The following GORAB variants were observed in gnomAD, a reference collection of about 807,000 sequenced individuals.
GORAB encodes the protein RAB6-interacting golgin.
Under a neutral mutation model 29.9 loss-of-function variants are expected in GORAB, and 17 were observed. The observed-to-expected ratio is 0.57, with a 90% CI of 0.39 to 0.85. The LOEUF (loss-of-function observed/expected upper bound fraction) is 0.85, where lower values mean the gene tolerates loss of function less well. Ranked by LOEUF, GORAB falls within the 40% of genes least tolerant of loss-of-function variation. GORAB has a pLI of 0.00. For missense variants in GORAB, 442 were observed against 437.8 expected, an observed-to-expected ratio of 1.01 and a Z score of -0.09; for synonymous variants, 183 against 157.2, an observed-to-expected ratio of 1.16 and a Z score of -1.23.
intron 1 of GORAB, among the ~76,000 whole-genome samples, chr1:170,538,886 T>G (rs1012469884): frequency 2.0e-5 from 3 of 152,196 alleles, no homozygotes; most frequent in Admixed American, 2.0e-4. Context: ...TTGGTCAAAA[T>G]TAGTTGCTTT....
At position 170,532,192 on chromosome 1, in the gene GORAB, G is replaced by C. The variant is rs1366062949; in HGVS notation, c.-32G>C. On this transcript the variant is annotated 5_prime_UTR_variant, in exon 1 of 5. Coordinates refer to ENST00000367763, the MANE Select transcript of GORAB (RefSeq NM_152281.3). The stretch of plus-strand genomic sequence containing the variant: ...TTGGCAGTCGCGGCTGCGAGATTTG[G>C]GCACTTTTGGGGGTGCCGGTGGCCC... 6.2e-7 allele frequency: 1 copy of C among 1,613,902 alleles called. No homozygotes were observed. Among genetic ancestry groups the C allele is most frequent in the East Asian group, 2.2e-5 (1 of 44,878 alleles).
rs140107738 is a variant in GORAB at position 170,546,384 on chromosome 1, C to T, written c.662+1539C>T. ...CAGCCTGGGCAACAGAGCGAGACTC[C>T]GTCTCAAAAAAAAAAAAGAAAGAAA... On this transcript the variant is annotated intron_variant, in intron 4 of 4. Transcript: ENST00000367763. Among the ~76,000 whole-genome samples, 444 of 150,652 alleles carry T rather than the reference C, an allele frequency of 2.9e-3. 2 individuals carry two copies. Among genetic ancestry groups the T allele is most frequent in the African/African-American group, 9.8e-3 (401 of 41,030 alleles).
At chr1:170,532,504 CG>C in intron 1 of GORAB, 2 of 553,206 alleles carry the variant, frequency 3.6e-6, no homozygotes, top group Non-Finnish European at 6.5e-6. Flanking sequence ...TTAGAAAAAA[CG>C]GTCCAGGAAT....
rs1650228160 is a variant in GORAB at position 170,553,101 on chromosome 1, C to T, written c.*639C>T. The T allele has an allele frequency of 2.2e-6, 1 of 452,776 alleles. No homozygotes were observed. Among genetic ancestry groups the T allele is most frequent in the South Asian group, 1.6e-5 (1 of 63,868 alleles). The allele number at this position is 452,776 out of a possible 1,614,324, so 28.0% of individuals were successfully genotyped here. A position where few individuals can be genotyped will look rare whatever the true frequency, so the allele number is the denominator to read the frequency against. Reference sequence around the variant, plus strand: ...AACCTGCGTTTTGTTATTTGAAACACACACACTTATATATAAACACATGTA... The same window carrying T: ...AACCTGCGTTTTGTTATTTGAAACATACACACTTATATATAAACACATGTA... On this transcript the variant is annotated 3_prime_UTR_variant, in exon 5 of 5. Transcript: ENST00000367763.
At chr1:170,547,018 C>G (rs900130291) in intron 4 of GORAB, among the ~76,000 whole-genome samples, 2 of 152,096 alleles carry the variant, frequency 1.3e-5, no homozygotes, top group African/African-American at 4.8e-5. Context: ...GAAGCTCTTG[C>G]GTTGAGTCAA....
intron 1 of GORAB, among the ~76,000 whole-genome samples, chr1:170,537,155 C>G (rs1649112794): frequency 6.6e-6 from 1 of 151,278 alleles, no homozygotes; most frequent in African/African-American, 2.4e-5. Context: ...TTCTTTGTCT[C>G]TCTTTCTTTT....
intron 1 of GORAB, among the ~76,000 whole-genome samples, chr1:170,537,997 GCAAGATA>G (rs1262561760): frequency 6.6e-6 from 1 of 152,134 alleles, no homozygotes; most frequent in Non-Finnish European, 1.5e-5. Flanking sequence ...TGTTCCTGTT[GCAAGATA>G]CAGGATACTT....
Position 170,552,219 on chromosome 1 carries a change from C to G in GORAB, c.867C>G (p.Val289=). The G allele has an allele frequency of 6.2e-7, 1 of 1,614,020 alleles. No individual in the cohort carries two copies. Residue 289 remains valine (V), a synonymous_variant, in exon 5 of 5, where the codon GTC becomes GTG. Transcript: ENST00000367763. ...AGACTTTGGAGCTTGAGGTGGAGGTCGAGAGATTGCTACACGAACAAGAAG... is the reference window on the plus strand; with the variant it reads ...AGACTTTGGAGCTTGAGGTGGAGGTGGAGAGATTGCTACACGAACAAGAAG... ...DEETLELEVE[V]ERLLHEQEVE...
intron 4 of GORAB, 140 bp from the exon 5 acceptor site, chr1:170,551,875 T>C (rs1650131783): frequency 1.4e-6 from 1 of 730,436 alleles, no homozygotes; most frequent in Admixed American, 2.3e-5. Context: ...TGTAGACAAG[T>C]GTTTGTAAAG....
rs527514824 is a variant in GORAB, at chr1:170,553,533, A to T, written c.*1071A>T. 1 of 428,590 alleles carries T rather than the reference A, an allele frequency of 2.3e-6. No homozygotes were observed. Among genetic ancestry groups the T allele is most frequent in the Admixed American group, 2.8e-5 (1 of 35,328 alleles). The allele number at this position is 428,590 out of a possible 1,614,324, so 26.5% of individuals were successfully genotyped here. A position where few individuals can be genotyped will look rare whatever the true frequency, so the allele number is the denominator to read the frequency against. ...TTGAGGACTTTTTTTTTTTAAAAAA[A>T]GAATTATTATCAGAGAACATAAGCA... On this transcript the variant is annotated 3_prime_UTR_variant, in exon 5 of 5. Transcript: ENST00000367763.
chr1:170,533,464 G>T, intron 1 of GORAB: 1 of 415,126 alleles, frequency 2.4e-6, no homozygotes, highest in Non-Finnish European at 5.1e-6. Context: ...TGATATACAG[G>T]GTACAAGTGC....
At chr1:170,548,479 C>T (rs1168326633) in intron 4 of GORAB, among the ~76,000 whole-genome samples, 1 of 152,190 alleles carries the variant, frequency 6.6e-6, no homozygotes, top group Non-Finnish European at 1.5e-5. Flanking sequence ...TTTTAGCCTA[C>T]CACACCATTC....
At chr1:170,539,965 TTC>T (rs1649311879) in intron 2 of GORAB, among the ~76,000 whole-genome samples, 1 of 151,480 alleles carries the variant, frequency 6.6e-6, no homozygotes, top group African/African-American at 2.4e-5. Context: ...CTTTTTTTCT[TTC>T]TTTTTTTTTT....
chr1:170,546,718 C>G (rs904321284), intron 4 of GORAB, among the ~76,000 whole-genome samples: 2 of 151,952 alleles, frequency 1.3e-5, no homozygotes, highest in African/African-American at 4.8e-5. Flanking sequence ...GAGTATCACT[C>G]TTATTGCCCA....
chr1:170,532,517 C>T, intron 1 of GORAB: 1 of 524,590 alleles, frequency 1.9e-6, no homozygotes, highest in Non-Finnish European at 3.4e-6. Context: ...TCCAGGAATC[C>T]ACTGTAGGGA....
At chr1:170,542,364 A>G (rs773392296) in intron 2 of GORAB, 127 bp from the exon 3 acceptor site, 200 of 635,788 alleles carry the variant, frequency 3.1e-4, no homozygotes, top group Non-Finnish European at 5.3e-4. Flanking sequence ...GACTTTTGAA[A>G]GAACATATAC....
At chr1:170,541,280 T>G (rs1571247136) in intron 2 of GORAB, among the ~76,000 whole-genome samples, 1 of 148,818 alleles carries the variant, frequency 6.7e-6, no homozygotes, top group East Asian at 2.0e-4. Flanking sequence ...AGTAGAGAAT[T>G]AAAGAAATGA....
chr1:170,545,324 C>CT (rs1649689443), intron 4 of GORAB: 2 of 972,414 alleles, frequency 2.1e-6, no homozygotes, highest in Non-Finnish European at 1.2e-6. Flanking sequence ...TTTTTAAAAG[C>CT]TTATGAATAT....
In GORAB at chr1:170,539,299, C is replaced by G; in HGVS notation, c.151C>G (p.Leu51Val). 5 of 1,614,172 alleles carry G rather than the reference C, an allele frequency of 3.1e-6. No homozygotes were observed. Among genetic ancestry groups the G allele is most frequent in the Non-Finnish European group, 4.2e-6 (5 of 1,180,012 alleles). Residue 51 changes from leucine (L) to valine (V), a missense_variant, in exon 2 of 5, where the codon CTT becomes GTT. Transcript: ENST00000367763. ...EKALVEQSQKLGLQDGSTSLL... is the reference protein window; with the variant it reads ...EKALVEQSQKVGLQDGSTSLL... ...AGCCCTTGTAGAGCAAAGCCAAAAA[C>G]TTGGGCTTCAAGATGGATCAACCTC...
Sources: allele counts gnomAD v4.1 joint callset (sites outside exome capture counted in the v4.1 genomes callset), GRCh38; gene constraint gnomAD v4.1.1; transcripts MANE v1.5; gene names NCBI Gene and HGNC (gene_info 2026-07-23, HGNC 2026-07-21).